The following BOP1 variants were observed in gnomAD, a reference collection of about 807,000 sequenced individuals.
The protein encoded by BOP1 is BOP1 ribosomal biogenesis factor.
BOP1 carries 54 observed loss-of-function variants against 82.9 expected under a neutral mutation model. The ratio of observed to expected loss-of-function variants is 0.65; its 90% CI spans 0.52 to 0.82. The LOEUF (loss-of-function observed/expected upper bound fraction) is 0.82. Among genes scored for constraint, BOP1 ranks in the 40% least tolerant of loss-of-function variants. BOP1 has a pLI of 0.00. For synonymous variants in BOP1, 566 were observed against 451.1 expected, an observed-to-expected ratio of 1.25 and a Z score of -3.23; for missense variants, 1,170 against 1,072.0, an observed-to-expected ratio of 1.09 and a Z score of -1.28.
intron 3 of BOP1, among the ~76,000 whole-genome samples, chr8:144,273,169 C>T (rs1040096416): frequency 2.0e-5 from 3 of 152,142 alleles, no homozygotes; most frequent in Non-Finnish European, 4.4e-5. Flanking sequence ...GACGCGGGGG[C>T]GGGGGCGGCC....
chr8:144,285,251 C>T (rs1814832252), intron 2 of BOP1, among the ~76,000 whole-genome samples: 1 of 152,216 alleles, frequency 6.6e-6, no homozygotes. Flanking sequence ...TGCCTGACTT[C>T]GTGTGTCCCT....
In BOP1 at chr8:144,287,796, T is replaced by C. The variant is rs138531335; in HGVS notation, c.309+1299A>G. Among the ~76,000 whole-genome samples the C allele has an allele frequency of 8.5e-4, 129 of 152,296 alleles. 3 individuals carry two copies. Among genetic ancestry groups the C allele is most frequent in the African/African-American group, 2.8e-3 (115 of 41,566 alleles). On this transcript the variant is annotated intron_variant, in intron 2 of 15. Coordinates refer to ENST00000569669, the MANE Select transcript of BOP1 (RefSeq NM_015201.5). Reference sequence around the variant, plus strand: ...GTATAATTAAAGCCTGAATTAAGTGTGATTTTAAATCTTTTCTTCCCAGCA... The same window carrying C: ...GTATAATTAAAGCCTGAATTAAGTGCGATTTTAAATCTTTTCTTCCCAGCA...
chr8:144,268,135 G>A (rs1342220965), intron 3 of BOP1: 32 of 1,551,590 alleles, frequency 2.1e-5, no homozygotes, highest in Middle Eastern at 1.8e-4. Flanking sequence ...ACAGCGATTC[G>A]CAGTTAGGAG....
In BOP1 at chr8:144,289,239, G is replaced by A. The variant is rs782562547; in HGVS notation, c.165C>T (p.Ser55=). 4.3e-6 allele frequency: 7 copies of A among 1,613,894 alleles called. No homozygotes were observed. Among genetic ancestry groups the A allele is most frequent in the South Asian group, 2.2e-5 (2 of 91,082 alleles). ...STGSDSGVSD[S]EESVFSGLED... Reference sequence around the variant, plus strand: ...CCAGGCCTGAGAACACACTTTCCTCGCTGTCGGAGACGCCAGAATCGCTGC... The same window carrying A: ...CCAGGCCTGAGAACACACTTTCCTCACTGTCGGAGACGCCAGAATCGCTGC... The change falls in exon 2 of 16, where the codon AGC becomes AGT. Residue 55 remains serine, a synonymous_variant. Coordinates refer to ENST00000569669, the MANE Select transcript of BOP1 (RefSeq NM_015201.5).
At chr8:144,270,420 G>T (rs1477389241) in intron 3 of BOP1, among the ~76,000 whole-genome samples, 1 of 152,166 alleles carries the variant, frequency 6.6e-6, no homozygotes, top group African/African-American at 2.4e-5. Flanking sequence ...GATCCCCAGG[G>T]CCCTGCTGGT....
At chr8:144,274,240 C>A (rs1311104024) in intron 3 of BOP1, among the ~76,000 whole-genome samples, 12 of 152,222 alleles carry the variant, frequency 7.9e-5, no homozygotes, top group Non-Finnish European at 5.9e-5. Flanking sequence ...CTCTCCACAG[C>A]CCTGAAGGGC....
chr8:144,284,041 C>T (rs1186142495), intron 2 of BOP1, among the ~76,000 whole-genome samples: 1 of 152,208 alleles, frequency 6.6e-6, no homozygotes, highest in Non-Finnish European at 1.5e-5. Flanking sequence ...CACTTGAACC[C>T]AGGAGGTGGA....
chr8:144,266,588 G>A (rs1443210730), intron 3 of BOP1: 2 of 1,088,840 alleles, frequency 1.8e-6, no homozygotes, highest in Non-Finnish European at 1.1e-6. Flanking sequence ...GCGCGACAGA[G>A]CTGACGCCGC....
In BOP1 at chr8:144,264,524, C is replaced by G; in HGVS notation, c.756G>C (p.Glu252Asp). Reference sequence around the variant, plus strand: ...GGGCTGTGTGCCCCACCTTCTCCTTCTCCACCAGGGAGGGGATGAAGCTGC... The same window carrying G: ...GGGCTGTGTGCCCCACCTTCTCCTTGTCCACCAGGGAGGGGATGAAGCTGC... ...DKRSFIPSLV[E>D]KEKVSRMVHA... The change falls in exon 6 of 16, where the codon GAG (glutamate) becomes GAC (aspartate). Residue 252 changes from glutamate to aspartate, a missense_variant. Coordinates refer to ENST00000569669, the MANE Select transcript of BOP1 (RefSeq NM_015201.5). The G allele has an allele frequency of 6.2e-7, 1 of 1,610,184 alleles. No individual in the cohort carries two copies. Among genetic ancestry groups the G allele is most frequent in the Non-Finnish European group, 8.5e-7 (1 of 1,179,020 alleles).
rs1814820083 is a variant in BOP1 at position 144,284,876 on chromosome 8, C to T, written c.309+4219G>A. Among the ~76,000 whole-genome samples, 3 of 152,214 alleles carry T rather than the reference C, an allele frequency of 2.0e-5. 1 individual carries two copies. The highest frequency in any genetic ancestry group is 4.1e-4 in the South Asian group (2 of 4,834). On this transcript the variant is annotated intron_variant, in intron 2 of 15. Transcript: ENST00000569669. Reference sequence around the variant, plus strand: ...TGGCCCGGCCCTGCAGCCAGAAGCACGCCCACCCTGGGTCCACCCAGGCAG... The same window carrying T: ...TGGCCCGGCCCTGCAGCCAGAAGCATGCCCACCCTGGGTCCACCCAGGCAG...
At chr8:144,287,462 G>A (rs1201815750) in intron 2 of BOP1, among the ~76,000 whole-genome samples, 3 of 152,108 alleles carry the variant, frequency 2.0e-5, no homozygotes, top group Non-Finnish European at 2.9e-5. Context: ...CCTACTGAAT[G>A]GTGCTGCTAC....
chr8:144,279,947 G>A (rs1019390374), intron 2 of BOP1, among the ~76,000 whole-genome samples: 5 of 152,206 alleles, frequency 3.3e-5, no homozygotes, highest in Admixed American at 6.5e-5. Context: ...CCAGAGCACA[G>A]GATGTGAGCT....
chr8:144,273,038 G>A (rs1554837969), intron 3 of BOP1, among the ~76,000 whole-genome samples: 4 of 152,292 alleles, frequency 2.6e-5, no homozygotes, highest in Non-Finnish European at 5.9e-5. Context: ...AGGGAGATTG[G>A]GGCGGTCTGC....
In BOP1 at chr8:144,262,967, G is replaced by T. The variant is rs782726657; in HGVS notation, c.1780C>A (p.Leu594Met). ...RVAFHPARPF[L>M]LVASQRSVRL... The stretch of plus-strand genomic sequence containing the variant: ...ACGCTGCGCTGGGACGCCACCAACA[G>T]GAAGGGCCGGGCAGGGTGGAAGGCC... The change falls in exon 13 of 16, where the codon CTG (leucine) becomes ATG (methionine). Residue 594 changes from leucine (L) to methionine (M), a missense_variant. Physicochemically the swap from Leu to Met is conservative, Grantham distance 15 (BLOSUM62 2). Coordinates refer to ENST00000569669, the MANE Select transcript of BOP1 (RefSeq NM_015201.5). 9.7e-6 allele frequency: 15 copies of T among 1,549,498 alleles called. No homozygotes were observed. The South Asian group carries it at 1.8e-4, about 18-fold the overall frequency.
chr8:144,274,791 C>A (rs112071332), intron 3 of BOP1, among the ~76,000 whole-genome samples: 1 of 152,154 alleles, frequency 6.6e-6, no homozygotes, highest in African/African-American at 2.4e-5. Context: ...CAGGGTCCCA[C>A]AGGCCCCGCC....
rs1412189509 is a variant in BOP1 at position 144,291,405 on chromosome 8, G to T, written c.-35C>A. 9.3e-5 allele frequency: 105 copies of T among 1,128,964 alleles called. No homozygotes were observed. Among genetic ancestry groups the T allele is most frequent in the Non-Finnish European group, 1.1e-4 (98 of 922,192 alleles). The allele number at this position is 1,128,964 out of a possible 1,614,324, so 69.9% of individuals were successfully genotyped here. On this transcript the variant is annotated 5_prime_UTR_variant, in exon 1 of 16. Transcript: ENST00000569669. This position sits in a 1 kb window ranked among gnomAD's most constrained non-coding sequence, Gnocchi z 4.1. ...CGCGCCGGCCGCCACCCGCACAGCC[G>T]CTTCCGACAGCGACCGGGCCGCGTG... is the stretch of plus-strand genomic sequence containing the variant.
chr8:144,286,700 A>G (rs552463531), intron 2 of BOP1, among the ~76,000 whole-genome samples: 9 of 152,374 alleles, frequency 5.9e-5, no homozygotes, highest in African/African-American at 2.2e-4. Flanking sequence ...TTGGGCAGCC[A>G]GCAGCGTGGG....
rs1554840168 is a variant in BOP1 at position 144,291,247 on chromosome 8, C to A, written c.99+25G>T. ...CGCCGGGCCCTCTAGGGACGCGCCC[C>A]GCCGCCCCGCATCGCCACAGTCACC... On this transcript the variant is annotated intron_variant, in intron 1 of 15. Transcript: ENST00000569669. This position sits in a 1 kb window ranked among gnomAD's most constrained non-coding sequence, Gnocchi z 4.1. 63 of 1,445,448 alleles carry A rather than the reference C, an allele frequency of 4.4e-5. No homozygotes were observed. Among genetic ancestry groups the A allele is most frequent in the Non-Finnish European group, 5.5e-5 (61 of 1,101,414 alleles). 89.5% of individuals were successfully genotyped at this position (1,445,448 alleles called of 1,614,324 possible). A position where few individuals can be genotyped will look rare whatever the true frequency, so the allele number is the denominator to read the frequency against.
Position 144,263,907 on chromosome 8 carries a change from T to G in BOP1, c.1145A>C (p.Asn382Thr). 3.7e-6 allele frequency: 6 copies of G among 1,611,630 alleles called. No individual in the cohort carries two copies. The highest frequency in any genetic ancestry group is 1.3e-5 in the African/African-American group (1 of 74,970). Residue 382 changes from asparagine to threonine, a missense_variant, in exon 9 of 16, where the codon AAT becomes ACT. Physicochemically the swap from Asn to Thr is moderately conservative, Grantham distance 65. Coordinates refer to ENST00000569669, the MANE Select transcript of BOP1 (RefSeq NM_015201.5). ...LCPRQRKMRV[N>T]VDPEDLIPKL... is the part of the protein sequence containing the mutation. ...GGGGATGAGGTCCTCAGGGTCTACATTCACCTGGGGCAGGAGAGCGCCAGG... is the reference window on the plus strand; with the variant it reads ...GGGGATGAGGTCCTCAGGGTCTACAGTCACCTGGGGCAGGAGAGCGCCAGG...
Sources: gnomAD v4.1 joint callset for allele counts (sites outside exome capture counted in the v4.1 genomes callset) on GRCh38, gnomAD v4.1.1 for gene constraint, Gnocchi (gnomAD v3.1) non-coding constraint, MANE v1.5 for transcripts, NCBI Gene and HGNC (gene_info 2026-07-23, HGNC 2026-07-21) for gene names.